Variants in MAD1L1 observed in about 807,000 individuals in gnomAD.
MAD1L1 encodes the protein mitotic arrest deficient 1 like 1.
MAD1L1 carries 95 observed loss-of-function variants against 96.9 expected under a neutral mutation model. That is an observed-to-expected ratio of 0.98 (90% CI 0.83 to 1.16). The LOEUF is 1.16. Among genes scored for constraint, MAD1L1 ranks in the 50% most tolerant of loss-of-function variants. MAD1L1 has a pLI of 0.00. For synonymous variants in MAD1L1, 473 were observed against 396.6 expected, an observed-to-expected ratio of 1.19 and a Z score of -2.29; for missense variants, 1,007 against 954.4, an observed-to-expected ratio of 1.06 and a Z score of -0.73.
chr7:1,906,290 C>T (rs1223605639), intron 17 of MAD1L1, among the ~76,000 whole-genome samples: 15 of 152,200 alleles, frequency 9.9e-5, no homozygotes, highest in Non-Finnish European at 4.4e-5. Flanking sequence ...CCTGCTACCC[C>T]GTCCAGGATA....
Position 1,942,590 on chromosome 7 carries a change from A to C in MAD1L1, c.1597-5693T>G, listed in dbSNP as rs574071557. Among the ~76,000 whole-genome samples the C allele has an allele frequency of 1.9e-4, 29 of 152,276 alleles. No homozygotes were observed. The South Asian group carries it at 5.6e-3, about 29-fold the overall frequency. ...CCACTCCTGCACCCACCCCACCAAG[A>C]GGAGCCATTTCAAACACACAGGCAG... On this transcript the variant is annotated intron_variant, in intron 16 of 18. Transcript: ENST00000265854.
intron 14 of MAD1L1, among the ~76,000 whole-genome samples, chr7:1,998,070 T>A (rs1183533841): frequency 6.6e-6 from 1 of 152,136 alleles, no homozygotes; most frequent in Non-Finnish European, 1.5e-5. Context: ...AGAAATTATA[T>A]GGGCTAAAAA....
At chr7:2,124,757 G>A (rs1274736946) in intron 11 of MAD1L1, among the ~76,000 whole-genome samples, 1 of 152,192 alleles carries the variant, frequency 6.6e-6, no homozygotes, top group Non-Finnish European at 1.5e-5. Flanking sequence ...CCACCTGGGT[G>A]CCCGGCGCTT....
intron 18 of MAD1L1, among the ~76,000 whole-genome samples, chr7:1,888,676 G>A (rs1252341433): frequency 6.6e-6 from 1 of 151,752 alleles, no homozygotes; most frequent in African/African-American, 2.4e-5. Flanking sequence ...GTGGCTGTCT[G>A]TGCATGTGTC....
chr7:1,852,325 T>G (rs893118925), intron 18 of MAD1L1, among the ~76,000 whole-genome samples: 1 of 152,208 alleles, frequency 6.6e-6, no homozygotes, highest in Non-Finnish European at 1.5e-5. Flanking sequence ...CTCACTGGGT[T>G]TCCCGGACTG....
At chr7:2,217,857 C>G in intron 7 of MAD1L1, 105 bp downstream of exon 7, 2 of 959,178 alleles carry the variant, frequency 2.1e-6, no homozygotes, top group Non-Finnish European at 3.4e-6. Context: ...GCTAACCTCA[C>G]AGAAGGACCA....
intron 16 of MAD1L1, among the ~76,000 whole-genome samples, chr7:1,943,272 C>T (rs542458697): frequency 6.6e-6 from 1 of 152,324 alleles, no homozygotes; most frequent in African/African-American, 2.4e-5. Context: ...CAGACTTCAT[C>T]CAAACTAAGA....
intron 17 of MAD1L1, among the ~76,000 whole-genome samples, chr7:1,915,132 G>A (rs945347958): frequency 6.6e-6 from 1 of 151,954 alleles, no homozygotes; most frequent in African/African-American, 2.4e-5. Flanking sequence ...AGGTATGTGT[G>A]GAGAGGTGCT....
chr7:1,932,931 T>C (rs770479444), intron 17 of MAD1L1, among the ~76,000 whole-genome samples: 6 of 152,240 alleles, frequency 3.9e-5, no homozygotes, highest in African/African-American at 1.4e-4. Context: ...CAAATCTTCT[T>C]AGATTTCCAT....
chr7:2,116,577 G>C lies in MAD1L1; in HGVS notation c.1073+32575C>G, dbSNP rs558410453. On this transcript the variant is annotated intron_variant, in intron 11 of 18. Transcript: ENST00000265854. The stretch of plus-strand genomic sequence containing the variant: ...GGCAGGCCAGAGGGTTGGGGGGGGG[G>C]GGGGCTCCTGTGTGTACACAGGGCT... Among the ~76,000 whole-genome samples the C allele has an allele frequency of 8.6e-5, 13 of 151,004 alleles. 1 individual carries two copies. Among genetic ancestry groups the C allele is most frequent in the African/African-American group, 2.4e-4 (10 of 41,298 alleles).
At chr7:2,117,133 A>T (rs910969883) in intron 11 of MAD1L1, among the ~76,000 whole-genome samples, 3 of 152,182 alleles carry the variant, frequency 2.0e-5, no homozygotes, top group Non-Finnish European at 4.4e-5. Context: ...GACCAGAAGC[A>T]GCTAAGAGTC....
chr7:1,994,474 C>G (rs77026842), intron 14 of MAD1L1, among the ~76,000 whole-genome samples: 1,791 of 152,286 alleles, frequency 0.012, 28 homozygotes, highest in South Asian at 0.031. Context: ...GCAGGCCCAT[C>G]GGGCACTGAG....
chr7:2,062,982 T>C (rs1251938220), intron 12 of MAD1L1, among the ~76,000 whole-genome samples: 3 of 151,672 alleles, frequency 2.0e-5, no homozygotes, highest in African/African-American at 7.3e-5. Flanking sequence ...ACAGAAAACA[T>C]AAAAATGGGA....
intron 11 of MAD1L1, among the ~76,000 whole-genome samples, chr7:2,095,859 C>T (rs1267918307): frequency 6.6e-6 from 1 of 152,198 alleles, no homozygotes; most frequent in Non-Finnish European, 1.5e-5. Context: ...CGCACACTTG[C>T]CGGCAGCCCT....
intron 17 of MAD1L1, among the ~76,000 whole-genome samples, chr7:1,925,373 T>C (rs116214373): frequency 0.016 from 2,383 of 152,310 alleles, 54 homozygotes; most frequent in African/African-American, 0.055. Context: ...CCTAGTCTAT[T>C]GGCGGCGCTA....
chr7:1,852,401 G>A (rs1784024812), intron 18 of MAD1L1, among the ~76,000 whole-genome samples: 1 of 152,132 alleles, frequency 6.6e-6, no homozygotes, highest in Non-Finnish European at 1.5e-5. Context: ...AGCTACCACT[G>A]CCCCTCCAAG....
intron 18 of MAD1L1, among the ~76,000 whole-genome samples, chr7:1,869,170 G>C (rs1784923782): frequency 2.0e-5 from 3 of 152,132 alleles, no homozygotes; most frequent in Admixed American, 6.5e-5. Context: ...ATGGGGCGGG[G>C]TTGGGTCTCA....
intron 10 of MAD1L1, among the ~76,000 whole-genome samples, chr7:2,164,283 AG>A (rs1254749347): frequency 3.9e-5 from 6 of 152,168 alleles, no homozygotes; most frequent in Non-Finnish European, 7.3e-5. Flanking sequence ...GGAATGGGAG[AG>A]GCAAGAGAAC....
chr7:2,115,756 C>A (rs1450667135), intron 11 of MAD1L1, among the ~76,000 whole-genome samples: 1 of 152,258 alleles, frequency 6.6e-6, no homozygotes, highest in East Asian at 1.9e-4. Context: ...CCTGGCCAAA[C>A]AGAAGGACCT....
Sources: gnomAD v4.1 joint callset for allele counts (sites outside exome capture counted in the v4.1 genomes callset) on GRCh38, gnomAD v4.1.1 for gene constraint, MANE v1.5 for transcripts, NCBI Gene and HGNC (gene_info 2026-07-23, HGNC 2026-07-21) for gene names.